The following KHDRBS3 variants were observed in gnomAD, a reference collection of about 807,000 sequenced individuals.
The protein encoded by KHDRBS3 is KH domain-containing, RNA-binding, signal transduction-associated protein 3.
In KHDRBS3, 23 loss-of-function variants were observed where a neutral mutation model predicts 45.6. The observed-to-expected ratio is 0.50, with a 90% confidence interval of 0.36 to 0.72. The LOEUF (loss-of-function observed/expected upper bound fraction) is 0.72, where lower values mean the gene tolerates loss of function less well. Among genes scored for constraint, KHDRBS3 ranks in the 30% least tolerant of loss-of-function variants. The pLI, the probability that KHDRBS3 is intolerant of heterozygous loss-of-function variation, is 0.00. For missense variants in KHDRBS3, 352 were observed against 424.8 expected, an observed-to-expected ratio of 0.83 and a Z score of 1.51; for synonymous variants, 162 against 156.5, an observed-to-expected ratio of 1.04 and a Z score of -0.26.
chr8:135,555,830 G>T (rs1339431264), intron 4 of KHDRBS3, among the ~76,000 whole-genome samples: 5 of 152,074 alleles, frequency 3.3e-5, no homozygotes, highest in Admixed American at 6.6e-5. Context: ...CTGGTGGTTT[G>T]CTGCACCCGT....
At chr8:135,626,589 G>T (rs7459602) in intron 7 of KHDRBS3, among the ~76,000 whole-genome samples, 15,430 of 152,120 alleles carry the variant, frequency 0.1, 1,014 homozygotes, top group Non-Finnish European at 0.14. Flanking sequence ...GGATCACGAG[G>T]TCAGGAGATC....
chr8:135,478,358 T>C (rs1309523692), intron 1 of KHDRBS3, among the ~76,000 whole-genome samples: 1 of 152,220 alleles, frequency 6.6e-6, no homozygotes, highest in East Asian at 1.9e-4. Flanking sequence ...TAAATAATTA[T>C]GAACTTTTTA....
intron 4 of KHDRBS3, among the ~76,000 whole-genome samples, chr8:135,654,382 T>G (rs1013658330): frequency 1.3e-5 from 2 of 152,250 alleles, no homozygotes; most frequent in African/African-American, 4.8e-5. Context: ...GAGGTCATGG[T>G]GCATCTTCAT....
intron 1 of KHDRBS3, among the ~76,000 whole-genome samples, chr8:135,515,288 C>T (rs1210248033): frequency 7.0e-6 from 1 of 142,048 alleles, no homozygotes; most frequent in Non-Finnish European, 1.5e-5. Flanking sequence ...ATGACGTGAA[C>T]CCGGGAGGCG....
chr8:135,544,164 G>A (rs894657240), intron 3 of KHDRBS3, among the ~76,000 whole-genome samples: 1 of 152,150 alleles, frequency 6.6e-6, no homozygotes. Context: ...GTAATGGGCT[G>A]CACGATATGA....
At chr8:135,630,385 A>G (rs1355268871) in intron 7 of KHDRBS3, among the ~76,000 whole-genome samples, 1 of 152,178 alleles carries the variant, frequency 6.6e-6, no homozygotes, top group Non-Finnish European at 1.5e-5. Context: ...TTAACCAGCT[A>G]TGTGATTTTA....
At chr8:135,601,749 G>A (rs1443358777) in intron 6 of KHDRBS3, among the ~76,000 whole-genome samples, 1 of 152,190 alleles carries the variant, frequency 6.6e-6, no homozygotes, top group Non-Finnish European at 1.5e-5. Context: ...AAGCTTAGAT[G>A]TTTGCTTGAT....
chr8:135,476,520 T>C (rs2130272051), intron 1 of KHDRBS3, among the ~76,000 whole-genome samples: 1 of 152,334 alleles, frequency 6.6e-6, no homozygotes, highest in South Asian at 2.1e-4. Flanking sequence ...TGTCTTCTCA[T>C]CTTAACACAC....
downstream of KHDRBS3, among the ~76,000 whole-genome samples, chr8:135,652,467 C>T (rs1422188524): frequency 2.6e-5 from 4 of 152,208 alleles, no homozygotes; most frequent in African/African-American, 9.6e-5. Flanking sequence ...CCTGCCCAGC[C>T]GCCTGGAGCA....
At chr8:135,540,670 C>G (rs1220541084) in intron 2 of KHDRBS3, 3 of 152,244 alleles carry the variant, frequency 2.0e-5, no homozygotes, top group Non-Finnish European at 2.9e-5. Flanking sequence ...GCTGGGCTTA[C>G]ACCTCCTCTT....
At chr8:135,470,531 G>A (rs1821961721) in intron 1 of KHDRBS3, among the ~76,000 whole-genome samples, 1 of 150,730 alleles carries the variant, frequency 6.6e-6, no homozygotes, top group Non-Finnish European at 1.5e-5. Flanking sequence ...ATTCTGGATT[G>A]TATTTTTCTC....
At chr8:135,504,713 G>A (rs952446140) in intron 1 of KHDRBS3, among the ~76,000 whole-genome samples, 1 of 152,214 alleles carries the variant, frequency 6.6e-6, no homozygotes, top group African/African-American at 2.4e-5. Flanking sequence ...AACATCACCT[G>A]CAGTTGCATA....
intron 6 of KHDRBS3, among the ~76,000 whole-genome samples, chr8:135,606,385 C>T (rs1829463061): frequency 6.6e-6 from 1 of 152,140 alleles, no homozygotes; most frequent in South Asian, 2.1e-4. Context: ...CCTCAGGCAG[C>T]AGAAATGTCA....
chr8:135,555,566 G>T (rs1489790974), intron 4 of KHDRBS3, among the ~76,000 whole-genome samples: 2 of 152,040 alleles, frequency 1.3e-5, no homozygotes, highest in Non-Finnish European at 2.9e-5. Flanking sequence ...TGTATAACAT[G>T]AAGTATGTGG....
At chr8:135,585,102 A>G (rs918617265) in intron 6 of KHDRBS3, among the ~76,000 whole-genome samples, 1 of 151,202 alleles carries the variant, frequency 6.6e-6, no homozygotes, top group Non-Finnish European at 1.5e-5. Flanking sequence ...AGTGGTGCGC[A>G]CCTGTAAACC....
At chr8:135,572,402 G>T (rs1827745347) in intron 5 of KHDRBS3, among the ~76,000 whole-genome samples, 1 of 152,024 alleles carries the variant, frequency 6.6e-6, no homozygotes, top group African/African-American at 2.4e-5. Context: ...ATTGTATCTT[G>T]TAAAGTGCCT....
chr8:135,628,860 T>A (rs903035671), intron 7 of KHDRBS3, among the ~76,000 whole-genome samples: 25 of 152,332 alleles, frequency 1.6e-4, no homozygotes, highest in African/African-American at 5.8e-4. Context: ...GAGATTAAGG[T>A]TAAACACAAA....
chr8:135,645,116 C>T lies in KHDRBS3; in HGVS notation c.948C>T (p.Tyr316=), dbSNP rs373585149. The part of the protein sequence containing the change: ...HGLSEETYDS[Y]GQEEWTNSRH... ...TCAGTGAGGAGACTTATGATTCCTA[C>T]GGTGAGTGACTGGCCAGAGCATGTG... is the stretch of plus-strand genomic sequence containing the variant. Residue 316 remains tyrosine, a splice_region_variant and synonymous_variant, in exon 8 of 9, where the codon TAC becomes TAT. Coordinates refer to ENST00000355849, the MANE Select transcript of KHDRBS3 (RefSeq NM_006558.3). 1.1e-5 allele frequency: 18 copies of T among 1,613,264 alleles called. No individual in the cohort carries two copies. Among genetic ancestry groups the T allele is most frequent in the Admixed American group, 3.3e-5 (2 of 59,976 alleles).
At chr8:135,632,434 G>C (rs1830643408) in intron 7 of KHDRBS3, among the ~76,000 whole-genome samples, 1 of 151,824 alleles carries the variant, frequency 6.6e-6, no homozygotes, top group African/African-American at 2.4e-5. Flanking sequence ...TCTTCTCAGT[G>C]GTCTCACTGT....
Sources: allele counts gnomAD v4.1 joint callset (sites outside exome capture counted in the v4.1 genomes callset), GRCh38; gene constraint gnomAD v4.1.1; transcripts MANE v1.5; gene names NCBI Gene and HGNC (gene_info 2026-07-23, HGNC 2026-07-21).